CEP112: variants seen among roughly 807,000 people sequenced by gnomAD.
CEP112 encodes centrosomal protein 112, also known as centrosomal protein of 112 kDa.
CEP112 carries 127 observed loss-of-function variants against 153.0 expected under a neutral mutation model. The observed-to-expected ratio is 0.83, with a 90% CI of 0.72 to 0.96. The LOEUF (loss-of-function observed/expected upper bound fraction) is 0.96, where lower values mean the gene tolerates loss of function less well. CEP112 is among the 40% of genes least tolerant of loss of function. The pLI, the probability that CEP112 is intolerant of heterozygous loss-of-function variation, is 0.00. For synonymous variants in CEP112, 358 were observed against 374.4 expected (o/e 0.96, Z 0.51); for missense variants, 1,089 against 1,101.2 (o/e 0.99, Z 0.16).
intron 8 of CEP112, among the ~76,000 whole-genome samples, chr17:66,076,401 T>C (rs1337511625): frequency 3.3e-5 from 5 of 152,092 alleles, no homozygotes; most frequent in African/African-American, 1.2e-4. Context: ...CTGAAGACTG[T>C]GTGGGAGCTG....
chr17:65,736,877 G>A (rs2050834200), intron 23 of CEP112, among the ~76,000 whole-genome samples: 1 of 152,154 alleles, frequency 6.6e-6, no homozygotes, highest in South Asian at 2.1e-4. Context: ...AGTCCAAGCT[G>A]ACTGTACAGA....
chr17:65,963,131 T>C (rs2062275189), intron 17 of CEP112, among the ~76,000 whole-genome samples: 1 of 152,162 alleles, frequency 6.6e-6, no homozygotes, highest in Non-Finnish European at 1.5e-5. Context: ...AGAGTTCCTG[T>C]TGTTGGCTGC....
At chr17:66,083,844 C>T (rs10163475) in intron 8 of CEP112, among the ~76,000 whole-genome samples, 54,793 of 151,872 alleles carry the variant, frequency 0.36, 10,923 homozygotes, top group Non-Finnish European at 0.45. Context: ...GGTGACTGAG[C>T]GAGACTCCAT....
chr17:66,189,072 T>C (rs2073061427), intron 1 of CEP112, among the ~76,000 whole-genome samples: 1 of 152,176 alleles, frequency 6.6e-6, no homozygotes, highest in African/African-American at 2.4e-5. Flanking sequence ...GAAACTAAAA[T>C]TCAACCATTA....
At chr17:65,694,139 G>A (rs2048250984) in intron 23 of CEP112, among the ~76,000 whole-genome samples, 1 of 152,174 alleles carries the variant, frequency 6.6e-6, no homozygotes, top group Non-Finnish European at 1.5e-5. Flanking sequence ...CTCAGACAGA[G>A]GTGCAAATGC....
intron 21 of CEP112, among the ~76,000 whole-genome samples, chr17:65,757,273 G>C (rs2052345167): frequency 6.6e-6 from 1 of 152,202 alleles, no homozygotes. Context: ...GGGACGAGGG[G>C]AGGAGATGGC....
In CEP112 at chr17:66,154,379, G is replaced by C. The variant is rs555293092; in HGVS notation, c.470+20665C>G. ...AAAATACAAAAATTAGCTGGGTGTG[G>C]GGGGGGGAGCCTGTAATCTCAGCTA... On this transcript the variant is annotated intron_variant, in intron 4 of 26. Transcript: ENST00000535342. Among the ~76,000 whole-genome samples the C allele has an allele frequency of 1.8e-3, 275 of 151,454 alleles. 2 individuals carry two copies. The highest frequency in any genetic ancestry group is 3.4e-3 in the Middle Eastern group (1 of 292).
At chr17:65,772,237 G>T (rs1024318171) in intron 21 of CEP112, among the ~76,000 whole-genome samples, 1 of 151,808 alleles carries the variant, frequency 6.6e-6, no homozygotes, top group Non-Finnish European at 1.5e-5. Flanking sequence ...GTAAGCAAAA[G>T]AAAGAAAATA....
At chr17:66,117,078 T>C (rs1255812470) in intron 6 of CEP112, among the ~76,000 whole-genome samples, 1 of 152,008 alleles carries the variant, frequency 6.6e-6, no homozygotes, top group East Asian at 1.9e-4. Flanking sequence ...CAAAAATTAG[T>C]AGAGACGGGG....
intron 16 of CEP112, among the ~76,000 whole-genome samples, chr17:66,021,284 G>T (rs536252927): frequency 6.6e-6 from 1 of 152,246 alleles, no homozygotes; most frequent in South Asian, 2.1e-4. Flanking sequence ...CTTGGGCCAG[G>T]ATTTGGAGTG....
chr17:65,771,537 C>T (rs1592659), intron 21 of CEP112, among the ~76,000 whole-genome samples: 426 of 152,250 alleles, frequency 2.8e-3, no homozygotes, highest in African/African-American at 9.8e-3. Context: ...TATCAACCTA[C>T]TTGACCATTA....
chr17:65,728,882 C>T (rs932391334), intron 23 of CEP112, among the ~76,000 whole-genome samples: 3 of 152,084 alleles, frequency 2.0e-5, no homozygotes. Flanking sequence ...CTTTAAGATA[C>T]TCTACACTTA....
intron 21 of CEP112, among the ~76,000 whole-genome samples, chr17:65,849,648 G>T (rs908300678): frequency 6.6e-6 from 1 of 152,120 alleles, no homozygotes; most frequent in African/African-American, 2.4e-5. Context: ...TCTGACTTTG[G>T]CATATCCAAT....
intron 19 of CEP112, among the ~76,000 whole-genome samples, chr17:65,921,017 A>C (rs1599019399): frequency 6.6e-6 from 1 of 152,026 alleles, no homozygotes; most frequent in East Asian, 1.9e-4. Flanking sequence ...GGGAAACTTT[A>C]AACTTTTTTT....
intron 21 of CEP112, among the ~76,000 whole-genome samples, chr17:65,757,899 C>T (rs1231546016): frequency 6.6e-6 from 1 of 152,072 alleles, no homozygotes; most frequent in East Asian, 1.9e-4. Context: ...TAAACCAAGT[C>T]TTATTTTTAT....
chr17:66,032,697 T>C (rs1397201141), intron 12 of CEP112, among the ~76,000 whole-genome samples: 2 of 152,170 alleles, frequency 1.3e-5, no homozygotes, highest in Non-Finnish European at 2.9e-5. Context: ...GTTTGGCAAT[T>C]AATCACAAAA....
At chr17:66,099,572 T>G (rs1447483393) in intron 6 of CEP112, among the ~76,000 whole-genome samples, 1 of 150,986 alleles carries the variant, frequency 6.6e-6, no homozygotes, top group Non-Finnish European at 1.5e-5. Flanking sequence ...GCACCATTTG[T>G]TAAAGAAGTT....
At chr17:65,819,188 G>A (rs892965767) in intron 21 of CEP112, among the ~76,000 whole-genome samples, 2 of 151,818 alleles carry the variant, frequency 1.3e-5, no homozygotes, top group African/African-American at 2.4e-5. Flanking sequence ...TTTATCCAAC[G>A]CTTAGAGTGT....
At chr17:66,061,047 C>T (rs1237171503) in intron 11 of CEP112, among the ~76,000 whole-genome samples, 1 of 151,498 alleles carries the variant, frequency 6.6e-6, no homozygotes, top group Non-Finnish European at 1.5e-5. Context: ...ATATAAGAAA[C>T]TCAAACAACT....
Sources: gnomAD v4.1 joint callset for allele counts (sites outside exome capture counted in the v4.1 genomes callset) on GRCh38, gnomAD v4.1.1 for gene constraint, MANE v1.5 for transcripts, NCBI Gene and HGNC (gene_info 2026-07-23, HGNC 2026-07-21) for gene names.